Variants in PIP5K1B observed in about 807,000 individuals in gnomAD.
PIP5K1B encodes phosphatidylinositol 4-phosphate 5-kinase type-1 beta.
A neutral mutation model predicts 67.0 loss-of-function variants in PIP5K1B; 42 were observed. That is an observed-to-expected ratio of 0.63 (90% confidence interval 0.49 to 0.81). The LOEUF is 0.81. Among genes scored for constraint, PIP5K1B ranks in the 30% least tolerant of loss-of-function variants. The probability of loss-of-function intolerance (pLI) is 0.00; values close to 1 mark genes in which losing one functional copy is unlikely to be tolerated. For synonymous variants in PIP5K1B, 214 were observed against 231.4 expected (o/e 0.92, Z 0.68); for missense variants, 459 against 646.3 (o/e 0.71, Z 3.14).
chr9:69,006,216 GA>G (rs77032302), intron 15 of PIP5K1B, among the ~76,000 whole-genome samples: 14,464 of 152,010 alleles, frequency 0.095, 917 homozygotes, highest in East Asian at 0.36. Flanking sequence ...TCTAGCTTGA[GA>G]AAAAACTGGC....
rs541340088 is a variant in PIP5K1B at position 68,893,366 on chromosome 9, C to T, written c.472-973C>T. 3.4e-3 allele frequency among the ~76,000 whole-genome samples: 460 copies of T among 136,886 alleles called. 3 individuals are homozygous for T. Among genetic ancestry groups the T allele is most frequent in the Admixed American group, 5.6e-3 (71 of 12,568 alleles). The allele number at this position is 136,886 out of a possible 152,430, so 89.8% of individuals were successfully genotyped here. On this transcript the variant is annotated intron_variant, in intron 7 of 15. Transcript: ENST00000265382. ...TTTTTTTTTTTGAGACAGAGTCTCG[C>T]TCTGTCACCCCGGCTGGAGTGCAGT...
chr9:68,998,132 G>A (rs1485148513), intron 15 of PIP5K1B, among the ~76,000 whole-genome samples: 1 of 149,116 alleles, frequency 6.7e-6, no homozygotes, highest in African/African-American at 2.5e-5. Flanking sequence ...GTGCAGTGGT[G>A]CAATCTTGGC....
At chr9:68,825,259 T>C (rs1235862324) in intron 4 of PIP5K1B, among the ~76,000 whole-genome samples, 1 of 152,208 alleles carries the variant, frequency 6.6e-6, no homozygotes, top group Non-Finnish European at 1.5e-5. Context: ...GCTAGTCTCC[T>C]TTCAGACAAG....
At chr9:68,762,654 T>G (rs545557739) in intron 2 of PIP5K1B, among the ~76,000 whole-genome samples, 11 of 152,278 alleles carry the variant, frequency 7.2e-5, no homozygotes, top group Admixed American at 1.3e-4. Context: ...AACACTTATC[T>G]TTAGGTTAAT....
At chr9:68,942,036 A>G (rs977926363) in intron 14 of PIP5K1B, among the ~76,000 whole-genome samples, 2 of 152,234 alleles carry the variant, frequency 1.3e-5, no homozygotes, top group Non-Finnish European at 1.5e-5. Context: ...ATAAGGCTCT[A>G]TTAAAAATTA....
chr9:68,948,987 G>T (rs1260170837), intron 14 of PIP5K1B, among the ~76,000 whole-genome samples: 1 of 151,940 alleles, frequency 6.6e-6, no homozygotes, highest in Non-Finnish European at 1.5e-5. Context: ...AATATTTCTG[G>T]GTACTTTTTG....
chr9:68,770,541 C>T (rs1185858073), intron 2 of PIP5K1B, among the ~76,000 whole-genome samples: 6 of 152,286 alleles, frequency 3.9e-5, no homozygotes, highest in South Asian at 4.1e-4. Context: ...TACCAGTCTG[C>T]GGCCTGTAAG....
chr9:68,782,313 G>A (rs1249518770), intron 2 of PIP5K1B: 5 of 166,976 alleles, frequency 3.0e-5, no homozygotes, highest in African/African-American at 1.2e-4. Flanking sequence ...GAGTCACATA[G>A]GTAAATCATT....
At chr9:68,791,700 C>T (rs959273924) in intron 2 of PIP5K1B, among the ~76,000 whole-genome samples, 9 of 152,176 alleles carry the variant, frequency 5.9e-5, no homozygotes, top group African/African-American at 2.2e-4. Context: ...AAATTTCATA[C>T]CTTTTCTATA....
At chr9:68,864,669 CTAAT>C (rs1376356291) in intron 5 of PIP5K1B, among the ~76,000 whole-genome samples, 1 of 151,990 alleles carries the variant, frequency 6.6e-6, no homozygotes, top group Non-Finnish European at 1.5e-5. Context: ...CACAATAAAA[CTAAT>C]TAATTAAAAA....
Position 68,918,089 on chromosome 9 carries a change from TTA to T in PIP5K1B, c.983+332_983+333del, listed in dbSNP as rs771563260. On this transcript the variant is annotated intron_variant, in intron 9 of 15. Transcript: ENST00000265382. ...TGAATAAACATGTTTTATTGTTTATTTATTTATTTTTTTTTTTTGAGACAGAG... is the reference window on the plus strand; with the variant it reads ...TGAATAAACATGTTTTATTGTTTATTTTTATTTTTTTTTTTTGAGACAGAG... Among the ~76,000 whole-genome samples the T allele has an allele frequency of 1.6e-3, 209 of 134,306 alleles. 4 individuals are homozygous for T. Among genetic ancestry groups the T allele is most frequent in the South Asian group, 7.6e-3 (29 of 3,808 alleles). 88.1% of individuals were successfully genotyped at this position (134,306 alleles called of 152,430 possible). A position where few individuals can be genotyped will look rare whatever the true frequency, so the allele number is the denominator to read the frequency against.
intron 14 of PIP5K1B, among the ~76,000 whole-genome samples, chr9:68,955,693 A>T (rs957108284): frequency 2.5e-4 from 38 of 152,178 alleles, no homozygotes; most frequent in South Asian, 2.1e-4. Context: ...AAATAATTAC[A>T]TGAGTTCTGG....
intron 1 of PIP5K1B, among the ~76,000 whole-genome samples, chr9:68,740,558 T>C (rs1014333154): frequency 3.9e-5 from 6 of 152,228 alleles, no homozygotes; most frequent in African/African-American, 1.4e-4. Flanking sequence ...AGCTCTCTGA[T>C]AGTGGTCTTC....
chr9:68,788,708 GT>G, intron 2 of PIP5K1B: 1 of 261,574 alleles, frequency 3.8e-6, no homozygotes. Context: ...TCAGGCTCAC[GT>G]TTAGGACCCC....
intron 2 of PIP5K1B, among the ~76,000 whole-genome samples, chr9:68,787,028 C>G (rs1055660380): frequency 6.6e-6 from 1 of 152,180 alleles, no homozygotes. Flanking sequence ...TACCATGACA[C>G]GCAACCTCTG....
intron 1 of PIP5K1B, chr9:68,708,189 C>A (rs921027607): frequency 6.6e-6 from 1 of 151,710 alleles, no homozygotes; most frequent in Non-Finnish European, 1.5e-5. Context: ...GGTTAAAGTA[C>A]TGTAAGGTAC....
intron 1 of PIP5K1B, among the ~76,000 whole-genome samples, chr9:68,715,363 C>T (rs185558531): frequency 2.6e-5 from 4 of 152,270 alleles, no homozygotes; most frequent in East Asian, 3.9e-4. Flanking sequence ...GGTCCTGCTG[C>T]CACTCCAGTC....
chr9:68,863,425 A>G (rs1235752480), intron 4 of PIP5K1B, among the ~76,000 whole-genome samples: 2 of 152,136 alleles, frequency 1.3e-5, no homozygotes, highest in Non-Finnish European at 2.9e-5. Flanking sequence ...ATACACACAC[A>G]CACGCACACA....
chr9:69,005,999 C>A (rs1040609558), intron 15 of PIP5K1B, among the ~76,000 whole-genome samples: 2 of 151,958 alleles, frequency 1.3e-5, no homozygotes, highest in African/African-American at 4.8e-5. Context: ...CCCACCTTAG[C>A]CTCCTGAGTA....
Sources: allele counts gnomAD v4.1 joint callset (sites outside exome capture counted in the v4.1 genomes callset), GRCh38; gene constraint gnomAD v4.1.1; transcripts MANE v1.5; gene names NCBI Gene and HGNC (gene_info 2026-07-23, HGNC 2026-07-21).